DMC1: variants seen among roughly 807,000 people sequenced by gnomAD.
The protein encoded by DMC1 is meiotic recombination protein DMC1 homolog.
In DMC1, 27 loss-of-function variants were observed where a neutral mutation model predicts 50.1. The ratio of observed to expected loss-of-function variants is 0.54; its 90% CI spans 0.40 to 0.74. DMC1 has a LOEUF of 0.74. Among genes scored for constraint, DMC1 ranks in the 30% least tolerant of loss-of-function variants. The pLI, the probability that DMC1 is intolerant of heterozygous loss-of-function variation, is 0.00. For missense variants in DMC1, 295 were observed against 420.2 expected, an observed-to-expected ratio of 0.70 and a Z score of 2.60; for synonymous variants, 148 against 136.1, an observed-to-expected ratio of 1.09 and a Z score of -0.61.
At chr22:38,546,806 A>G (rs2090348960) in intron 8 of DMC1, among the ~76,000 whole-genome samples, 1 of 152,202 alleles carries the variant, frequency 6.6e-6, no homozygotes, top group South Asian at 2.1e-4. Flanking sequence ...GCAAATACCC[A>G]AGAAGATAGA....
rs1333673271 is a variant in DMC1 at position 38,538,614 on chromosome 22, T to C, written c.587-2A>G. 7 of 1,610,834 alleles carry C rather than the reference T, an allele frequency of 4.3e-6. No individual in the cohort carries two copies. The highest frequency in any genetic ancestry group is 5.9e-6 in the Non-Finnish European group (7 of 1,177,144). On this transcript the variant is annotated splice_acceptor_variant, in intron 9 of 13. Transcript: ENST00000216024. LOFTEE classifies it high-confidence loss of function. ...CAAGTAGCTCCATCTGATGTTCACC[T>C]GATGGGAAATGCAGTGAGAAAATGT...
intron 12 of DMC1, among the ~76,000 whole-genome samples, chr22:38,531,170 G>C (rs1569155975): frequency 6.6e-6 from 1 of 152,160 alleles, no homozygotes; most frequent in Non-Finnish European, 1.5e-5. Context: ...AAATGAAGTA[G>C]GTGGCAACAT....
chr22:38,555,870 C>T (rs1257922585), intron 5 of DMC1, among the ~76,000 whole-genome samples: 1 of 150,182 alleles, frequency 6.7e-6, no homozygotes, highest in African/African-American at 2.4e-5. Context: ...CTTGCTCTGT[C>T]GCCCAGGCTG....
chr22:38,512,553 G>A, the DMC1 span, among the ~76,000 whole-genome samples: 1 of 152,158 alleles, frequency 6.6e-6, no homozygotes, highest in Admixed American at 6.5e-5. Context: ...TAAAATCTAA[G>A]CTATCCCTTT....
At chr22:38,557,567 A>T (rs1602763755) in intron 5 of DMC1, among the ~76,000 whole-genome samples, 1 of 152,142 alleles carries the variant, frequency 6.6e-6, no homozygotes, top group Non-Finnish European at 1.5e-5. Flanking sequence ...TTAGCCAGGT[A>T]TGCTGGCCTG....
the DMC1 span, among the ~76,000 whole-genome samples, chr22:38,509,951 C>T: frequency 5.1e-4 from 77 of 152,170 alleles, no homozygotes; most frequent in African/African-American, 1.6e-3. Context: ...ACATGGCCAC[C>T]GCATCTGGCC....
At position 38,548,600 on chromosome 22, in the gene DMC1, G is replaced by A. The variant is rs11570413; in HGVS notation, c.494+1325C>T. ...AAAGAAGAAAAAAATTAGGCCAGGC[G>A]TGATGGCTCACGCCTATAATTCCAA... On this transcript the variant is annotated intron_variant, in intron 8 of 13. Coordinates refer to ENST00000216024, the MANE Select transcript of DMC1 (RefSeq NM_007068.4). 3.5e-3 allele frequency among the ~76,000 whole-genome samples: 539 copies of A among 152,224 alleles called. 2 individuals are homozygous for A. The highest frequency in any genetic ancestry group is 0.013 in the African/African-American group (523 of 41,558).
chr22:38,515,351 A>G (rs1341641010), downstream of DMC1, among the ~76,000 whole-genome samples: 1 of 151,428 alleles, frequency 6.6e-6, no homozygotes, highest in Non-Finnish European at 1.5e-5. Flanking sequence ...GAGGTTAGGC[A>G]TGCCTGTAAC....
intron 4 of DMC1, among the ~76,000 whole-genome samples, chr22:38,562,649 G>T (rs1268827838): frequency 6.6e-6 from 1 of 151,934 alleles, no homozygotes; most frequent in African/African-American, 2.4e-5. Flanking sequence ...GGTCAAACAT[G>T]CAACAGTGTT....
intron 12 of DMC1, among the ~76,000 whole-genome samples, chr22:38,528,373 A>G (rs564351737): frequency 5.9e-5 from 9 of 151,946 alleles, no homozygotes; most frequent in African/African-American, 2.2e-4. Context: ...CTGAATCTTG[A>G]ATATTATACA....
At chr22:38,556,038 G>T (rs2090466149) in intron 5 of DMC1, among the ~76,000 whole-genome samples, 1 of 151,984 alleles carries the variant, frequency 6.6e-6, no homozygotes. Flanking sequence ...CACCATATTG[G>T]CCAGGTTGGT....
chr22:38,538,984 C>T (rs975244064), intron 9 of DMC1, among the ~76,000 whole-genome samples: 19 of 150,362 alleles, frequency 1.3e-4, no homozygotes, highest in South Asian at 4.2e-4. Context: ...TGCAGTGAGC[C>T]GAGATCATAC....
intron 12 of DMC1, among the ~76,000 whole-genome samples, chr22:38,528,278 G>A (rs1264735828): frequency 6.6e-6 from 1 of 151,396 alleles, no homozygotes; most frequent in African/African-American, 2.4e-5. Context: ...TAGCCAGGAT[G>A]GTCTCAAACT....
At chr22:38,560,656 T>C (rs1310257526) in intron 5 of DMC1, among the ~76,000 whole-genome samples, 1 of 152,042 alleles carries the variant, frequency 6.6e-6, no homozygotes, top group African/African-American at 2.4e-5. Context: ...AATTATATTC[T>C]CACTCTCTAT....
chr22:38,544,687 G>A (rs564061287), intron 8 of DMC1, among the ~76,000 whole-genome samples: 8 of 151,100 alleles, frequency 5.3e-5, no homozygotes, highest in East Asian at 3.9e-4. Flanking sequence ...GTGCAGTGGC[G>A]CGATCTCAGC....
chr22:38,563,676 A>G (rs2090552074), intron 4 of DMC1, among the ~76,000 whole-genome samples: 1 of 151,714 alleles, frequency 6.6e-6, no homozygotes, highest in Non-Finnish European at 1.5e-5. Context: ...CAATATAGTA[A>G]GACCACCCCT....
chr22:38,567,981 G>A (rs186446191), intron 2 of DMC1, among the ~76,000 whole-genome samples: 87 of 152,312 alleles, frequency 5.7e-4, no homozygotes, highest in Non-Finnish European at 1.1e-3. Context: ...CGTGTGTGTA[G>A]GTACCAGTAT....
intron 8 of DMC1, among the ~76,000 whole-genome samples, chr22:38,545,470 C>G (rs935697993): frequency 2.0e-5 from 3 of 152,014 alleles, no homozygotes; most frequent in Non-Finnish European, 4.4e-5. Context: ...TCGCCCAGGC[C>G]GGACTGCAGT....
intron 9 of DMC1, among the ~76,000 whole-genome samples, 189 bp from the exon 10 acceptor site, chr22:38,538,801 G>A (rs1332239843): frequency 6.6e-6 from 1 of 152,148 alleles, no homozygotes; most frequent in African/African-American, 2.4e-5. Context: ...TTGGGAGGCC[G>A]AGGCAGGTGG....
Sources: gnomAD v4.1 joint callset for allele counts (sites outside exome capture counted in the v4.1 genomes callset) on GRCh38, gnomAD v4.1.1 for gene constraint, MANE v1.5 for transcripts, NCBI Gene and HGNC (gene_info 2026-07-23, HGNC 2026-07-21) for gene names.